Variants in SH3RF2 observed in about 807,000 individuals in gnomAD.
SH3RF2 encodes the protein E3 ubiquitin-protein ligase SH3RF2.
A neutral mutation model predicts 59.0 loss-of-function variants in SH3RF2; 43 were observed. The observed-to-expected ratio is 0.73, with a 90% confidence interval of 0.57 to 0.94. SH3RF2 has a LOEUF of 0.94. Among genes scored for constraint, SH3RF2 ranks in the 40% least tolerant of loss-of-function variants. The pLI, the probability that SH3RF2 is intolerant of heterozygous loss-of-function variation, is 0.00. For synonymous variants in SH3RF2, 391 were observed against 391.5 expected, an observed-to-expected ratio of 1.00 and a Z score of 0.01; for missense variants, 930 against 940.1, an observed-to-expected ratio of 0.99 and a Z score of 0.14.
intron 9 of SH3RF2, among the ~76,000 whole-genome samples, chr5:146,070,288 C>T (rs548485472): frequency 2.7e-4 from 41 of 152,078 alleles, no homozygotes; most frequent in African/African-American, 9.4e-4. Flanking sequence ...TGAGATGTGC[C>T]GCTGAGTTTG....
At chr5:145,959,891 C>A (rs1385859376) in intron 2 of SH3RF2, among the ~76,000 whole-genome samples, 2 of 152,018 alleles carry the variant, frequency 1.3e-5, no homozygotes, top group African/African-American at 4.8e-5. Flanking sequence ...GGAGAGGAGT[C>A]TTCCCAGGTC....
intron 2 of SH3RF2, among the ~76,000 whole-genome samples, chr5:145,949,184 G>GTA (rs1758102290): frequency 6.6e-6 from 1 of 152,152 alleles, no homozygotes; most frequent in African/African-American, 2.4e-5. Context: ...AGGGGATTCG[G>GTA]AGGTAATTGG....
chr5:145,964,203 T>TCCTCCCTTCCTC (rs1484252340), intron 2 of SH3RF2, among the ~76,000 whole-genome samples: 53 of 151,500 alleles, frequency 3.5e-4, no homozygotes, highest in African/African-American at 1.3e-3. Flanking sequence ...TTCTTTTCCT[T>TCCTCCCTTCCTC]CCTTCCTTCC....
At chr5:145,980,683 CTG>C (rs1413643661) in intron 2 of SH3RF2, among the ~76,000 whole-genome samples, 1 of 152,188 alleles carries the variant, frequency 6.6e-6, no homozygotes, top group Non-Finnish European at 1.5e-5. Flanking sequence ...TTACTCCTCA[CTG>C]TGAAATTTTA....
intron 1 of SH3RF2, among the ~76,000 whole-genome samples, chr5:145,937,520 T>C (rs1454728638): frequency 2.6e-5 from 4 of 152,068 alleles, no homozygotes; most frequent in African/African-American, 9.7e-5. Flanking sequence ...AAGGACCTCT[T>C]CCCGCCCTGG....
intron 4 of SH3RF2, among the ~76,000 whole-genome samples, chr5:146,013,271 G>A (rs373550479): frequency 1.2e-4 from 19 of 152,166 alleles, no homozygotes; most frequent in East Asian, 9.6e-4. Context: ...TGGGGGAAAG[G>A]CAAGTAAAGG....
At position 146,001,357 on chromosome 5, in the gene SH3RF2, A is replaced by G. The variant is rs768890865; in HGVS notation, c.648+1030A>G. Among the ~76,000 whole-genome samples, 61 of 152,242 alleles carry G rather than the reference A, an allele frequency of 4.0e-4. 1 individual carries two copies. The highest frequency in any genetic ancestry group is 3.1e-4 in the Non-Finnish European group (21 of 68,050). ...GCTTAGGCAAGGTGTTTCGTTTTAC[A>G]AAATGTTTTTATTCCACCACTACCA... On this transcript the variant is annotated intron_variant, in intron 3 of 9. Coordinates refer to ENST00000359120, the MANE Select transcript of SH3RF2 (RefSeq NM_152550.4).
intron 1 of SH3RF2, chr5:145,937,035 C>G (rs954444463): frequency 6.6e-6 from 1 of 152,134 alleles, no homozygotes; most frequent in Non-Finnish European, 1.5e-5. Flanking sequence ...TTTTACAGGT[C>G]GTGACCACAA....
intron 5 of SH3RF2, among the ~76,000 whole-genome samples, chr5:146,041,471 C>G (rs1762124238): frequency 6.6e-6 from 1 of 152,226 alleles, no homozygotes; most frequent in African/African-American, 2.4e-5. Flanking sequence ...AGCACGGTGC[C>G]TAGGACCCAA....
intron 1 of SH3RF2, 76 bp from the exon 2 acceptor site, chr5:145,937,747 A>G (rs1757649183): frequency 1.5e-6 from 1 of 682,516 alleles, no homozygotes; most frequent in South Asian, 1.9e-5. Flanking sequence ...CTTATGAGAC[A>G]CTGCCTCAAT....
chr5:145,986,265 C>T (rs751637360), intron 2 of SH3RF2, among the ~76,000 whole-genome samples: 20 of 152,246 alleles, frequency 1.3e-4, no homozygotes, highest in Non-Finnish European at 2.6e-4. Context: ...AAAACCTCTC[C>T]GAGGAGAAAG....
At chr5:146,039,789 G>A (rs1173177240) in intron 5 of SH3RF2, among the ~76,000 whole-genome samples, 2 of 152,114 alleles carry the variant, frequency 1.3e-5, no homozygotes, top group Non-Finnish European at 2.9e-5. Flanking sequence ...GTGCACAGGG[G>A]ACATGTACAA....
intron 2 of SH3RF2, among the ~76,000 whole-genome samples, chr5:145,969,449 G>T (rs769362630): frequency 3.9e-5 from 6 of 152,296 alleles, no homozygotes; most frequent in Non-Finnish European, 5.9e-5. Flanking sequence ...GAGCAGGCAG[G>T]TCCCAGATAC....
chr5:145,940,740 A>G (rs1481804347), intron 2 of SH3RF2, among the ~76,000 whole-genome samples: 1 of 152,224 alleles, frequency 6.6e-6, no homozygotes, highest in Non-Finnish European at 1.5e-5. Flanking sequence ...TGGGCAAGCC[A>G]CTTATGTTTG....
chr5:145,992,318 G>T (rs1283868248), intron 2 of SH3RF2, among the ~76,000 whole-genome samples: 1 of 152,140 alleles, frequency 6.6e-6, no homozygotes, highest in Non-Finnish European at 1.5e-5. Flanking sequence ...AGGCTACAGA[G>T]GCCAAGACCA....
intron 7 of SH3RF2, chr5:146,055,673 T>G: frequency 5.6e-6 from 2 of 358,908 alleles, no homozygotes; most frequent in Non-Finnish European, 1.0e-5. Context: ...TAAAGGGATG[T>G]GGGGTGAGGA....
intron 5 of SH3RF2, among the ~76,000 whole-genome samples, chr5:146,019,517 G>A (rs6876287): frequency 0.31 from 47,166 of 152,028 alleles, 8,208 homozygotes; most frequent in Non-Finnish European, 0.39. Flanking sequence ...CTATAGCCTT[G>A]TAATATAATC....
chr5:145,970,756 G>A (rs953973051), intron 2 of SH3RF2, among the ~76,000 whole-genome samples: 1 of 152,008 alleles, frequency 6.6e-6, no homozygotes, highest in African/African-American at 2.4e-5. Context: ...TGAAAAGACA[G>A]TTTAAAAGAC....
rs150731820 is a variant in SH3RF2 at position 145,968,517 on chromosome 5, GA to G, written c.378+30218del. On this transcript the variant is annotated intron_variant, in intron 2 of 9. Coordinates refer to ENST00000359120, the MANE Select transcript of SH3RF2 (RefSeq NM_152550.4). ...ATGTATGTGGGTTTATATATGCATA[GA>G]AAAAAATCCAGAACATTATTCTACA... Among the ~76,000 whole-genome samples the G allele has an allele frequency of 7.8e-3, 1,187 of 151,882 alleles. 20 individuals are homozygous for G. Among genetic ancestry groups the G allele is most frequent in the African/African-American group, 0.027 (1,129 of 41,378 alleles).
Sources: allele counts gnomAD v4.1 joint callset (sites outside exome capture counted in the v4.1 genomes callset), GRCh38; gene constraint gnomAD v4.1.1; transcripts MANE v1.5; gene names NCBI Gene and HGNC (gene_info 2026-07-23, HGNC 2026-07-21).